TMCO4: variants seen among roughly 807,000 people sequenced by gnomAD.
The protein encoded by TMCO4 is transmembrane and coiled-coil domains 4.
A neutral mutation model predicts 64.7 loss-of-function variants in TMCO4; 58 were observed. The observed-to-expected ratio is 0.90, with a 90% CI of 0.73 to 1.12. The LOEUF is 1.12. TMCO4 is among the 50% of genes most tolerant of loss of function. The probability of loss-of-function intolerance (pLI) is 0.00; values close to 1 mark genes in which losing one functional copy is unlikely to be tolerated. For synonymous variants in TMCO4, 325 were observed against 346.1 expected, an observed-to-expected ratio of 0.94 and a Z score of 0.68; for missense variants, 780 against 825.9, an observed-to-expected ratio of 0.94 and a Z score of 0.68.
intron 13 of TMCO4, among the ~76,000 whole-genome samples, chr1:19,707,736 A>G (rs1313212308): frequency 6.6e-6 from 1 of 152,120 alleles, no homozygotes; most frequent in Non-Finnish European, 1.5e-5. Context: ...AGAAAGACCT[A>G]CCTGAGACTG....
At chr1:19,694,572 A>C in intron 14 of TMCO4, 21 bp from the exon 15 acceptor site, 1 of 1,610,152 alleles carries the variant, frequency 6.2e-7, no homozygotes, top group Non-Finnish European at 8.5e-7. Context: ...GTAGAGAAGC[A>C]TGTGAACATT....
intron 13 of TMCO4, among the ~76,000 whole-genome samples, chr1:19,712,413 G>A (rs1020173963): frequency 3.3e-5 from 5 of 152,116 alleles, no homozygotes; most frequent in Admixed American, 1.3e-4. Flanking sequence ...GAGGTCAGGA[G>A]TTCGAGACCA....
rs2095220523 is a variant in TMCO4 at position 19,694,387 on chromosome 1, G to A, written c.1500+47C>T. 3 of 1,550,780 alleles carry A rather than the reference G, an allele frequency of 1.9e-6. No individual in the cohort carries two copies. In the African/African-American group the frequency reaches 4.0e-5, roughly 21 times the overall value. On this transcript the variant is annotated intron_variant, in intron 15 of 15. Coordinates refer to ENST00000294543, the MANE Select transcript of TMCO4 (RefSeq NM_181719.7). The stretch of plus-strand genomic sequence containing the variant: ...AGGGGACAGGGGTGGCTGGGCTGGA[G>A]CAACTAAGCAAACGCAAAGCCCCAG...
rs556886579 is a variant in TMCO4 at position 19,711,806 on chromosome 1, C to T, written c.1265-10921G>A. 5.3e-5 allele frequency among the ~76,000 whole-genome samples: 8 copies of T among 152,088 alleles called. No individual in the cohort carries two copies. The South Asian group carries it at 1.0e-3, about 20-fold the overall frequency. The stretch of plus-strand genomic sequence containing the variant: ...CTGAGTAGCTGGGATTACAGGCATG[C>T]GCCACCATGCCTGGCTAATTTTGTA... On this transcript the variant is annotated intron_variant, in intron 13 of 15. Transcript: ENST00000294543.
intron 2 of TMCO4, among the ~76,000 whole-genome samples, chr1:19,788,147 C>A (rs1264149776): frequency 6.6e-6 from 1 of 152,162 alleles, no homozygotes; most frequent in Admixed American, 6.5e-5. Flanking sequence ...TGGGAACACC[C>A]TTCTCCTGGA....
rs1002572699 is a variant in TMCO4 at position 19,683,578 on chromosome 1, C to T, written c.1501-134G>A. ...CAACGAATCACCAAACCCATGACTC[C>T]ATCCCTCAGTGGCTCTCAAATCCAG... On this transcript the variant is annotated intron_variant, in intron 15 of 15. Transcript: ENST00000294543. 2.4e-5 allele frequency: 23 copies of T among 959,418 alleles called. 1 individual carries two copies. The African/African-American group carries it at 3.6e-4, about 15-fold the overall frequency. The allele number at this position is 959,418 out of a possible 1,614,324, so 59.4% of individuals were successfully genotyped here.
intron 10 of TMCO4, among the ~76,000 whole-genome samples, chr1:19,744,261 GACCATGGTGTGAGTCCTCAATGCC>G (rs1215688728): frequency 1.3e-5 from 2 of 152,142 alleles, no homozygotes; most frequent in African/African-American, 4.8e-5. Context: ...GTAACAAGTG[GACCATGGTGTGAGTCCTCAATGCC>G]ACCCTGGCTA....
chr1:19,742,950 T>C (rs2095486522), intron 10 of TMCO4, among the ~76,000 whole-genome samples: 1 of 152,030 alleles, frequency 6.6e-6, no homozygotes, highest in Non-Finnish European at 1.5e-5. Flanking sequence ...CTCTCGAGGC[T>C]GAGGCAGGAG....
rs2095460280 is a variant in TMCO4 at position 19,737,458 on chromosome 1, T to C, written c.1180-2A>G. 1.2e-6 allele frequency: 2 copies of C among 1,613,716 alleles called. No individual in the cohort carries two copies. Among genetic ancestry groups the C allele is most frequent in the African/African-American group, 1.3e-5 (1 of 74,928 alleles). On this transcript the variant is annotated splice_acceptor_variant, in intron 12 of 15. Coordinates refer to ENST00000294543, the MANE Select transcript of TMCO4 (RefSeq NM_181719.7). LOFTEE classifies it high-confidence loss of function. ...AATCAAGGTGACAGGTCGTCGCCCC[T>C]GAAGGGAAAAAGGACACAGGTGTCT...
At chr1:19,754,787 C>T (rs1401906696) in intron 7 of TMCO4, among the ~76,000 whole-genome samples, 1 of 152,166 alleles carries the variant, frequency 6.6e-6, no homozygotes, top group Non-Finnish European at 1.5e-5. Context: ...GGGTCCGGGA[C>T]ACGTCGGGGA....
In TMCO4 at chr1:19,700,752, C is replaced by A. The variant is rs753114462; in HGVS notation, c.1382+16G>T. On this transcript the variant is annotated intron_variant, in intron 14 of 15. Transcript: ENST00000294543. The stretch of plus-strand genomic sequence containing the variant: ...AAGCATTGTCACTTCCCCGCTGGCA[C>A]GAGGTTTGGACAGACCTGCAGTAGC... 1.0e-5 allele frequency: 16 copies of A among 1,607,156 alleles called. No homozygotes were observed. In the African/African-American group the frequency reaches 1.9e-4, roughly 19 times the overall value.
intron 1 of TMCO4, among the ~76,000 whole-genome samples, chr1:19,799,521 G>A (rs2101201802): frequency 6.6e-6 from 1 of 152,364 alleles, no homozygotes; most frequent in South Asian, 2.1e-4. Context: ...GAGCGGCTGG[G>A]TGACCTCTAA....
intron 14 of TMCO4, among the ~76,000 whole-genome samples, chr1:19,699,958 C>T (rs765421407): frequency 4.6e-5 from 7 of 152,270 alleles, no homozygotes; most frequent in South Asian, 2.1e-4. Context: ...GATGGAGAAA[C>T]GAAGGTGGGC....
In TMCO4 at chr1:19,780,672, G is replaced by A. The variant is rs1229551220; in HGVS notation, c.87C>T (p.Pro29=). 6.2e-7 allele frequency: 1 copy of A among 1,614,014 alleles called. No homozygotes were observed. Among genetic ancestry groups the A allele is most frequent in the South Asian group, 1.1e-5 (1 of 91,060 alleles). The change falls in exon 4 of 16, where the codon CCC becomes CCT. Residue 29 remains proline (P), a synonymous_variant. Coordinates refer to ENST00000294543, the MANE Select transcript of TMCO4 (RefSeq NM_181719.7). ...EPTAEGEPHL[P]TGRELTEANR... ...TGGCCTCAGTCAGCTCCCGGCCCGTGGGCAGGTGTGGCTCCCCCTCTGCAG... is the reference window on the plus strand; with the variant it reads ...TGGCCTCAGTCAGCTCCCGGCCCGTAGGCAGGTGTGGCTCCCCCTCTGCAG...
Position 19,700,849 on chromosome 1 carries a change from C to G in TMCO4, c.1301G>C (p.Gly434Ala). The change falls in exon 14 of 16, where the codon GGT becomes GCT. Residue 434 changes from glycine (G) to alanine (A), a missense_variant. By Grantham distance (60) the Gly-to-Ala change is moderately conservative (BLOSUM62 0). Coordinates refer to ENST00000294543, the MANE Select transcript of TMCO4 (RefSeq NM_181719.7). ...QGIIEDVILLGAPVEGEAKHW... is the reference protein window; with the variant it reads ...QGIIEDVILLAAPVEGEAKHW... ...CTTGGCTTCTCCCTCCACAGGCGCA[C>G]CCAGCAGGATGACGTCCTCGATGAT... 6.2e-7 allele frequency: 1 copy of G among 1,614,238 alleles called. No individual in the cohort carries two copies. Among genetic ancestry groups the G allele is most frequent in the South Asian group, 1.1e-5 (1 of 91,080 alleles).
intron 2 of TMCO4, among the ~76,000 whole-genome samples, chr1:19,787,518 A>G (rs2043807996): frequency 6.6e-6 from 1 of 152,202 alleles, no homozygotes; most frequent in Non-Finnish European, 1.5e-5. Context: ...ACATGAACCG[A>G]GGAATGAACT....
chr1:19,719,027 C>T (rs1187668083), intron 13 of TMCO4, among the ~76,000 whole-genome samples: 1 of 152,180 alleles, frequency 6.6e-6, no homozygotes, highest in African/African-American at 2.4e-5. Context: ...TACCCCGGTA[C>T]TCATCAAAGC....
intron 2 of TMCO4, among the ~76,000 whole-genome samples, chr1:19,789,836 T>C (rs2043937690): frequency 6.6e-6 from 1 of 151,950 alleles, no homozygotes. Flanking sequence ...GTGGATCTCT[T>C]GAGCCCAGGA....
Position 19,778,150 on chromosome 1 carries a change from T to C in TMCO4, c.179+2430A>G, listed in dbSNP as rs551996060. ...AAACAACTAGGGCAAAGAAAGTAAC[T>C]CAGAGATTCAGCAAGCAACCACTAC... is the stretch of plus-strand genomic sequence containing the variant. On this transcript the variant is annotated intron_variant, in intron 4 of 15. Coordinates refer to ENST00000294543, the MANE Select transcript of TMCO4 (RefSeq NM_181719.7). 3.3e-5 allele frequency among the ~76,000 whole-genome samples: 5 copies of C among 152,326 alleles called. No homozygotes were observed. In the South Asian group the frequency reaches 1.0e-3, roughly 32 times the overall value.
Sources: allele counts gnomAD v4.1 joint callset (sites outside exome capture counted in the v4.1 genomes callset), GRCh38; gene constraint gnomAD v4.1.1; transcripts MANE v1.5; gene names NCBI Gene and HGNC (gene_info 2026-07-23, HGNC 2026-07-21).